ADK: variants seen among roughly 807,000 people sequenced by gnomAD.
ADK encodes the protein adenosine kinase, also known as N6,N6-dimethyladenosine kinase.
ADK carries 24 observed loss-of-function variants against 44.7 expected under a neutral mutation model. The observed-to-expected ratio is 0.54, with a 90% CI of 0.39 to 0.76. The LOEUF (loss-of-function observed/expected upper bound fraction) is 0.76, where lower values mean the gene tolerates loss of function less well. ADK is among the 30% of genes least tolerant of loss of function. The pLI is 0.00. For missense variants in ADK, 321 were observed against 425.1 expected (o/e 0.76, Z 2.15); for synonymous variants, 128 against 142.6 (o/e 0.90, Z 0.73).
intron 6 of ADK, among the ~76,000 whole-genome samples, chr10:74,428,186 C>G (rs777957800): frequency 1.3e-5 from 2 of 152,158 alleles, no homozygotes; most frequent in African/African-American, 2.4e-5. Context: ...ATCTTAACTT[C>G]CAAAGACCCC....
chr10:74,573,489 C>T (rs1200328704), intron 7 of ADK, among the ~76,000 whole-genome samples: 1 of 152,246 alleles, frequency 6.6e-6, no homozygotes, highest in Admixed American at 6.5e-5. Context: ...TCTGCCCGTT[C>T]TCAGATCTCC....
rs1395762165 is a variant in ADK, at chr10:74,655,694, A to G, written c.878-14489A>G. 8.4e-6 allele frequency: 4 copies of G among 476,522 alleles called. No homozygotes were observed. The Admixed American group carries it at 1.0e-4, about 12-fold the overall frequency. The allele number at this position is 476,522 out of a possible 1,614,324, so 29.5% of individuals were successfully genotyped here. A position where few individuals can be genotyped will look rare whatever the true frequency, so the allele number is the denominator to read the frequency against. Reference sequence around the variant, plus strand: ...GCCTCCCGAAGGACATATCCGTGGCAGAGCTGCCCAGGGAGCTGAGCCTCA... The same window carrying G: ...GCCTCCCGAAGGACATATCCGTGGCGGAGCTGCCCAGGGAGCTGAGCCTCA... On this transcript the variant is annotated intron_variant, in intron 9 of 10. Coordinates refer to ENST00000539909, the MANE Select transcript of ADK (RefSeq NM_006721.4).
intron 6 of ADK, among the ~76,000 whole-genome samples, chr10:74,501,454 G>C (rs2133449734): frequency 6.6e-6 from 1 of 152,022 alleles, no homozygotes; most frequent in East Asian, 1.9e-4. Context: ...TTCATTTCTG[G>C]CTCACCAAGA....
chr10:74,470,244 C>T (rs867181450), intron 6 of ADK, among the ~76,000 whole-genome samples: 60 of 152,084 alleles, frequency 3.9e-4, no homozygotes, highest in African/African-American at 1.3e-3. Flanking sequence ...AGGCTGGTCT[C>T]GAACTCCTGA....
chr10:74,619,012 TTGTGTGTGTGTGTGTGTGTGTGTGTGTG>T (rs56168944), intron 9 of ADK, among the ~76,000 whole-genome samples: 1 of 139,382 alleles, frequency 7.2e-6, no homozygotes, highest in Admixed American at 7.2e-5. Flanking sequence ...TTTATGCTCT[TTGTGTGTGTGTGTGTGTGTGTGTGTGTG>T]TGTGTGTGTG....
chr10:74,690,266 G>A (rs923543199), intron 10 of ADK, among the ~76,000 whole-genome samples: 8 of 152,198 alleles, frequency 5.3e-5, no homozygotes, highest in African/African-American at 1.4e-4. Flanking sequence ...AAGCTGAGAT[G>A]GGTGGATCGC....
At chr10:74,671,730 A>C (rs936581720) in intron 10 of ADK, among the ~76,000 whole-genome samples, 1 of 152,182 alleles carries the variant, frequency 6.6e-6, no homozygotes, top group Non-Finnish European at 1.5e-5. Context: ...TAGTCTAGAA[A>C]CTTTTAAACT....
intron 3 of ADK, among the ~76,000 whole-genome samples, chr10:74,268,926 T>C (rs1318257526): frequency 6.6e-6 from 1 of 152,242 alleles, no homozygotes; most frequent in Non-Finnish European, 1.5e-5. Context: ...AATGGTTTTA[T>C]TGTTTGGGGA....
intron 3 of ADK, among the ~76,000 whole-genome samples, chr10:74,274,732 G>GTGTGTATATATATA (rs1554836801): frequency 2.4e-5 from 2 of 84,168 alleles, no homozygotes; most frequent in South Asian, 3.3e-4. Flanking sequence ...TTTAATGTGT[G>GTGTGTATATATATA]TATATATATA....
intron 1 of ADK, chr10:74,176,748 T>G (rs1842353262): frequency 6.5e-7 from 1 of 1,539,616 alleles, no homozygotes; most frequent in South Asian, 1.2e-5. Context: ...GCGGGGTGTG[T>G]GAGGACGCGC....
chr10:74,613,997 A>G (rs1045064125), intron 9 of ADK, among the ~76,000 whole-genome samples: 2 of 152,076 alleles, frequency 1.3e-5, no homozygotes, highest in Non-Finnish European at 2.9e-5. Flanking sequence ...GAGAAAATAT[A>G]TTTCTCACCT....
chr10:74,399,505 T>C (rs1843637140), intron 6 of ADK, among the ~76,000 whole-genome samples: 1 of 152,048 alleles, frequency 6.6e-6, no homozygotes, highest in South Asian at 2.1e-4. Context: ...ATCCTATCCC[T>C]TTATAACTGT....
At chr10:74,574,327 C>A (rs373746859) in intron 7 of ADK, among the ~76,000 whole-genome samples, 1 of 151,872 alleles carries the variant, frequency 6.6e-6, no homozygotes, top group Non-Finnish European at 1.5e-5. Context: ...CATGCCACCA[C>A]GCCCTGTTAA....
intron 3 of ADK, among the ~76,000 whole-genome samples, chr10:74,300,362 T>TTC (rs1564641103): frequency 1.4e-4 from 8 of 57,536 alleles, no homozygotes; most frequent in East Asian, 7.2e-4. Context: ...TTCCTTCCTT[T>TTC]CTTTCTTTCT....
chr10:74,595,503 A>C (rs1337312506), intron 8 of ADK, among the ~76,000 whole-genome samples: 1 of 146,252 alleles, frequency 6.8e-6, no homozygotes, highest in African/African-American at 2.5e-5. Flanking sequence ...CAGCCTCCCG[A>C]GTAGCTGGGA....
chr10:74,231,412 A>G (rs1312595259), intron 3 of ADK, among the ~76,000 whole-genome samples: 1 of 151,724 alleles, frequency 6.6e-6, no homozygotes, highest in African/African-American at 2.4e-5. Context: ...TATGTATGAT[A>G]TTTTCGCTGG....
chr10:74,271,127 G>C (rs956515596), intron 3 of ADK, among the ~76,000 whole-genome samples: 1 of 152,054 alleles, frequency 6.6e-6, no homozygotes, highest in African/African-American at 2.4e-5. Flanking sequence ...ATAAACAGAG[G>C]CTTCTGTATT....
At chr10:74,358,820 A>T (rs1564674454) in intron 4 of ADK, among the ~76,000 whole-genome samples, 1 of 152,276 alleles carries the variant, frequency 6.6e-6, no homozygotes, top group African/African-American at 2.4e-5. Context: ...AGTAACATAC[A>T]TAATTTGTAA....
intron 3 of ADK, among the ~76,000 whole-genome samples, chr10:74,281,071 A>T (rs1487271866): frequency 4.6e-5 from 7 of 152,258 alleles, no homozygotes; most frequent in Admixed American, 4.6e-4. Context: ...AGCCGACAAG[A>T]GACTCAAAAG....
Sources: allele counts gnomAD v4.1 joint callset (sites outside exome capture counted in the v4.1 genomes callset), GRCh38; gene constraint gnomAD v4.1.1; transcripts MANE v1.5; gene names NCBI Gene and HGNC (gene_info 2026-07-23, HGNC 2026-07-21).